THSD4: variants seen among roughly 807,000 people sequenced by gnomAD.
THSD4 encodes the protein thrombospondin type 1 domain containing 4.
Under a neutral mutation model 119.0 loss-of-function variants are expected in THSD4, and 69 were observed. The observed-to-expected ratio is 0.58, with a 90% CI of 0.48 to 0.71. The LOEUF (loss-of-function observed/expected upper bound fraction) is 0.71. Ranked by LOEUF, THSD4 falls within the 30% of genes least tolerant of loss-of-function variation. The pLI is 0.00. For synonymous variants in THSD4, 524 were observed against 540.4 expected (o/e 0.97, Z 0.42); for missense variants, 1,393 against 1,391.1 (o/e 1.00, Z -0.02).
chr15:71,157,849 G>A (rs1025947244), intron 3 of THSD4, among the ~76,000 whole-genome samples: 1 of 151,924 alleles, frequency 6.6e-6, no homozygotes, highest in Non-Finnish European at 1.5e-5. Context: ...TTTCCATTGT[G>A]TATATATACA....
intron 12 of THSD4, among the ~76,000 whole-genome samples, chr15:71,746,469 A>G (rs2053339752): frequency 6.6e-6 from 1 of 152,084 alleles, no homozygotes; most frequent in Non-Finnish European, 1.5e-5. Flanking sequence ...ATCATGGCTC[A>G]CTGCAGCCTC....
intron 15 of THSD4, 78 bp from the exon 16 acceptor site, chr15:71,764,942 T>C: frequency 6.6e-7 from 1 of 1,512,826 alleles, no homozygotes. Context: ...GTGCCCGTCA[T>C]AAGCATCCCT....
At chr15:71,346,024 C>G (rs2045655850) in intron 6 of THSD4, among the ~76,000 whole-genome samples, 2 of 152,224 alleles carry the variant, frequency 1.3e-5, no homozygotes, top group African/African-American at 2.4e-5. Flanking sequence ...CACCCAGTCC[C>G]CAAACATTCA....
chr15:71,639,309 T>C (rs1015501831), intron 7 of THSD4, among the ~76,000 whole-genome samples: 1 of 152,226 alleles, frequency 6.6e-6, no homozygotes, highest in Non-Finnish European at 1.5e-5. Flanking sequence ...GCATGGGGGC[T>C]GGATTTCCAG....
intron 7 of THSD4, among the ~76,000 whole-genome samples, chr15:71,618,847 G>A: frequency 6.6e-6 from 1 of 151,880 alleles, no homozygotes; most frequent in East Asian, 1.9e-4. Context: ...CAAAGTGCTG[G>A]GATTACAGAC....
intron 8 of THSD4, among the ~76,000 whole-genome samples, chr15:71,717,255 A>G (rs904242083): frequency 1.3e-5 from 2 of 152,222 alleles, no homozygotes; most frequent in African/African-American, 2.4e-5. Flanking sequence ...GGCCTAGGGG[A>G]TTGGCTAAGT....
intron 7 of THSD4, among the ~76,000 whole-genome samples, chr15:71,427,575 A>C (rs1344700397): frequency 6.7e-6 from 1 of 148,610 alleles, no homozygotes; most frequent in Non-Finnish European, 1.5e-5. Context: ...AGATTGGAGA[A>C]AGTGTATGCC....
intron 6 of THSD4, among the ~76,000 whole-genome samples, chr15:71,368,629 G>T (rs2140431485): frequency 6.6e-6 from 1 of 152,278 alleles, no homozygotes; most frequent in African/African-American, 2.4e-5. Context: ...GCTGTGTTCT[G>T]TTCCATTGGT....
intron 1 of THSD4, among the ~76,000 whole-genome samples, chr15:71,120,450 C>T (rs936664481): frequency 2.0e-5 from 3 of 152,170 alleles, no homozygotes; most frequent in African/African-American, 7.2e-5. Context: ...GGCATTGGCG[C>T]CCATTAGCCC....
intron 7 of THSD4, among the ~76,000 whole-genome samples, chr15:71,466,193 CA>C (rs746576650): frequency 1.8e-4 from 27 of 150,402 alleles, no homozygotes; most frequent in African/African-American, 6.3e-4. Context: ...ACTAAAAATA[CA>C]AAAAAAAATT....
chr15:71,547,793 G>C (rs2048861017), intron 7 of THSD4: 1 of 210,144 alleles, frequency 4.8e-6, no homozygotes, highest in Non-Finnish European at 9.3e-6. Flanking sequence ...AAAAAAAGAT[G>C]TGCCATGTCA....
chr15:71,777,038 C>A (rs140302048), intron 17 of THSD4, among the ~76,000 whole-genome samples, 194 bp from the exon 18 acceptor site: 21 of 152,276 alleles, frequency 1.4e-4, no homozygotes, highest in Admixed American at 1.3e-3. Flanking sequence ...GTAACTTATT[C>A]TCTATACCTA....
chr15:71,554,297 G>C (rs544340157), intron 7 of THSD4, among the ~76,000 whole-genome samples: 4 of 151,060 alleles, frequency 2.6e-5, no homozygotes, highest in African/African-American at 9.7e-5. Flanking sequence ...GGGTTTCACC[G>C]TGTTAACCAG....
At chr15:71,643,623 C>T (rs376286815) in intron 7 of THSD4, among the ~76,000 whole-genome samples, 7 of 152,160 alleles carry the variant, frequency 4.6e-5, no homozygotes, top group African/African-American at 1.7e-4. Context: ...CATCCATGTT[C>T]CTGCAAAGGA....
At chr15:71,617,755 A>G (rs923302582) in intron 7 of THSD4, among the ~76,000 whole-genome samples, 20 of 152,240 alleles carry the variant, frequency 1.3e-4, no homozygotes, top group African/African-American at 4.6e-4. Flanking sequence ...TGGTTTCTCC[A>G]TTCGTGAATT....
At chr15:71,565,604 C>T (rs141698147) in intron 7 of THSD4, among the ~76,000 whole-genome samples, 17 of 152,256 alleles carry the variant, frequency 1.1e-4, no homozygotes, top group African/African-American at 3.8e-4. Context: ...AAGACTTTAG[C>T]AGGCTGGAAG....
At chr15:71,168,479 A>G (rs963472997) in intron 3 of THSD4, among the ~76,000 whole-genome samples, 6 of 152,226 alleles carry the variant, frequency 3.9e-5, no homozygotes, top group African/African-American at 1.2e-4. Context: ...TTTATTATAG[A>G]GAATTTAGAA....
chr15:71,592,335 G>C (rs946820501), intron 7 of THSD4, among the ~76,000 whole-genome samples: 4 of 152,298 alleles, frequency 2.6e-5, no homozygotes, highest in African/African-American at 9.6e-5. Context: ...AGGACGCAGT[G>C]GCAGGGAGAA....
intron 7 of THSD4, among the ~76,000 whole-genome samples, chr15:71,633,476 T>G (rs1232461092): frequency 6.6e-6 from 1 of 152,118 alleles, no homozygotes; most frequent in Non-Finnish European, 1.5e-5. Context: ...AGTTTTGCCA[T>G]GTTGCTTGGG....
Sources: gnomAD v4.1 joint callset for allele counts (sites outside exome capture counted in the v4.1 genomes callset) on GRCh38, gnomAD v4.1.1 for gene constraint, MANE v1.5 for transcripts, NCBI Gene and HGNC (gene_info 2026-07-23, HGNC 2026-07-21) for gene names.